C19orf47: variants seen among roughly 807,000 people sequenced by gnomAD.
The protein encoded by C19orf47 is chromosome 19 open reading frame 47, also known as uncharacterized protein C19orf47.
Under a neutral mutation model 32.3 loss-of-function variants are expected in C19orf47, and 18 were observed. The ratio of observed to expected loss-of-function variants is 0.56; its 90% CI spans 0.39 to 0.83. C19orf47 has a LOEUF of 0.83. Ranked by LOEUF, C19orf47 falls within the 40% of genes least tolerant of loss-of-function variation. The pLI, the probability that C19orf47 is intolerant of heterozygous loss-of-function variation, is 0.00. For missense variants in C19orf47, 484 were observed against 531.6 expected (o/e 0.91, Z 0.88); for synonymous variants, 202 against 211.1 (o/e 0.96, Z 0.37).
chr19:40,341,758 A>C (rs2145611440), intron 2 of C19orf47, 81 bp downstream of exon 2: 1 of 1,521,440 alleles, frequency 6.6e-7, no homozygotes, highest in Non-Finnish European at 8.8e-7. Context: ...TCCCTCCCCC[A>C]TCCCATCATC....
chr19:40,311,143 G>A, the C19orf47 span, among the ~76,000 whole-genome samples: 4 of 152,080 alleles, frequency 2.6e-5, no homozygotes, highest in African/African-American at 7.2e-5. Context: ...TTGGGAGGCC[G>A]AGGCGGGCGG....
chr19:40,348,254 C>A (rs982296137), intron 1 of C19orf47, 70 bp downstream of exon 1: 4 of 1,109,108 alleles, frequency 3.6e-6, no homozygotes, highest in Non-Finnish European at 4.7e-6. Flanking sequence ...CGAACTGAGT[C>A]CAGACACCCG....
intron 7 of C19orf47, among the ~76,000 whole-genome samples, chr19:40,325,139 G>A (rs1423882205): frequency 4.0e-5 from 6 of 151,278 alleles, no homozygotes; most frequent in Non-Finnish European, 8.8e-5. Flanking sequence ...GCACGGTGGC[G>A]TGCACCTGTA....
chr19:40,302,333 C>G, the C19orf47 span, among the ~76,000 whole-genome samples: 3 of 152,104 alleles, frequency 2.0e-5, no homozygotes, highest in Admixed American at 6.6e-5. Context: ...GGTAGGATCA[C>G]GGCTCACTGC....
chr19:40,321,773 C>T lies in C19orf47; in HGVS notation c.*109G>A. ...GCCTAGCTCTAGAGCCCGAGGGAGACAAGCTGTGTCATCCAGGAGCTGGTG... is the reference window on the plus strand; with the variant it reads ...GCCTAGCTCTAGAGCCCGAGGGAGATAAGCTGTGTCATCCAGGAGCTGGTG... On this transcript the variant is annotated 3_prime_UTR_variant, in exon 9 of 9. Transcript: ENST00000683109. 11 of 1,440,186 alleles carry T rather than the reference C, an allele frequency of 7.6e-6. No homozygotes were observed. Among genetic ancestry groups the T allele is most frequent in the Non-Finnish European group, 1.0e-5 (11 of 1,101,058 alleles). 89.2% of individuals were successfully genotyped at this position (1,440,186 alleles called of 1,614,324 possible). A position where few individuals can be genotyped will look rare whatever the true frequency, so the allele number is the denominator to read the frequency against.
intron 2 of C19orf47, among the ~76,000 whole-genome samples, chr19:40,341,083 C>T (rs1449150732): frequency 1.3e-5 from 2 of 151,960 alleles, no homozygotes; most frequent in African/African-American, 4.8e-5. Context: ...CCTGTAATCC[C>T]AGCACTTAGG....
At chr19:40,318,555 T>C (rs904694236), downstream of C19orf47, among the ~76,000 whole-genome samples, 1 of 152,136 alleles carries the variant, frequency 6.6e-6, no homozygotes, top group Admixed American at 6.5e-5. Context: ...ACCTATGAAG[T>C]AGAATCAGAG....
intron 4 of C19orf47, among the ~76,000 whole-genome samples, chr19:40,334,498 A>G (rs935710152): frequency 1.3e-5 from 2 of 152,058 alleles, no homozygotes; most frequent in African/African-American, 4.8e-5. Context: ...CTGTAATCCC[A>G]GCCCTTTGAG....
At chr19:40,315,226 A>G (rs1439202343), downstream of C19orf47, among the ~76,000 whole-genome samples, 1 of 152,224 alleles carries the variant, frequency 6.6e-6, no homozygotes, top group Non-Finnish European at 1.5e-5. Flanking sequence ...TAATGGATCG[A>G]TATTATTTCA....
intron 1 of C19orf47, chr19:40,343,484 C>T (rs2078216827): frequency 6.6e-6 from 1 of 152,206 alleles, no homozygotes; most frequent in Non-Finnish European, 1.5e-5. Context: ...CCTTAGAGGA[C>T]TGCTATAAGG....
chr19:40,322,505 G>T, intron 8 of C19orf47, 129 bp from the exon 9 acceptor site: 1 of 1,185,280 alleles, frequency 8.4e-7, no homozygotes, highest in Non-Finnish European at 1.1e-6. Context: ...TGACACCCCA[G>T]ATAGTGGCGA....
At chr19:40,339,303 ACTGG>A (rs1349745320) in intron 2 of C19orf47, 1 of 152,340 alleles carries the variant, frequency 6.6e-6, no homozygotes, top group Non-Finnish European at 1.5e-5. Flanking sequence ...GTCATAAGGC[ACTGG>A]CTGTAAGATA....
At chr19:40,345,158 A>G (rs530150915) in intron 1 of C19orf47, among the ~76,000 whole-genome samples, 1 of 152,236 alleles carries the variant, frequency 6.6e-6, no homozygotes, top group Admixed American at 6.5e-5. Flanking sequence ...TACAGACCCT[A>G]CTGAATTCAA....
chr19:40,307,182 G>A, the C19orf47 span, among the ~76,000 whole-genome samples: 1 of 131,778 alleles, frequency 7.6e-6, no homozygotes, highest in Non-Finnish European at 1.5e-5. Context: ...TGCAACCTCT[G>A]CCTCCCCGGT....
At chr19:40,301,504 G>A in the C19orf47 span, among the ~76,000 whole-genome samples, 1 of 151,068 alleles carries the variant, frequency 6.6e-6, no homozygotes, top group Admixed American at 6.6e-5. Context: ...ACCATGCCCA[G>A]CTAATTTTTG....
intron 2 of C19orf47, among the ~76,000 whole-genome samples, chr19:40,336,852 T>C (rs983139435): frequency 1.3e-5 from 2 of 151,884 alleles, no homozygotes; most frequent in Non-Finnish European, 2.9e-5. Context: ...GATCCTCAGG[T>C]GGCTGGAAAG....
chr19:40,324,320 C>T (rs1026465352), intron 7 of C19orf47: 1 of 564,278 alleles, frequency 1.8e-6, no homozygotes, highest in Non-Finnish European at 3.2e-6. Flanking sequence ...TCAGCACTAG[C>T]TCATGAACTG....
downstream of C19orf47, among the ~76,000 whole-genome samples, chr19:40,315,817 G>A (rs2077658405): frequency 6.6e-6 from 1 of 151,608 alleles, no homozygotes; most frequent in African/African-American, 2.4e-5. Context: ...AATTAGCTGA[G>A]CATGGTGGCA....
the C19orf47 span, among the ~76,000 whole-genome samples, chr19:40,295,808 G>A: frequency 1.3e-5 from 2 of 151,880 alleles, no homozygotes; most frequent in Admixed American, 6.6e-5. Flanking sequence ...GCGCAGCGTC[G>A]CAATCACCAC....
Sources: gnomAD v4.1 joint callset for allele counts (sites outside exome capture counted in the v4.1 genomes callset) on GRCh38, gnomAD v4.1.1 for gene constraint, MANE v1.5 for transcripts, NCBI Gene and HGNC (gene_info 2026-07-23, HGNC 2026-07-21) for gene names.